SPAG17: variants seen among roughly 807,000 people sequenced by gnomAD.
SPAG17 encodes the protein sperm-associated antigen 17.
In SPAG17, 169 loss-of-function variants were observed where a neutral mutation model predicts 273.6. That is an observed-to-expected ratio of 0.62 (90% confidence interval 0.55 to 0.70). The LOEUF (loss-of-function observed/expected upper bound fraction) is 0.70, where lower values mean the gene tolerates loss of function less well. Among genes scored for constraint, SPAG17 ranks in the 30% least tolerant of loss-of-function variants. The pLI, the probability that SPAG17 is intolerant of heterozygous loss-of-function variation, is 0.00. For synonymous variants in SPAG17, 825 were observed against 873.2 expected (o/e 0.94, Z 0.97); for missense variants, 2,557 against 2,627.8 (o/e 0.97, Z 0.59).
At chr1:118,116,705 G>A (rs1657100931) in intron 3 of SPAG17, among the ~76,000 whole-genome samples, 2 of 152,182 alleles carry the variant, frequency 1.3e-5, no homozygotes, top group Non-Finnish European at 2.9e-5. Flanking sequence ...GATCACATTG[G>A]GGTTCCCGCA....
Position 118,011,976 on chromosome 1 carries a change from T to C in SPAG17, c.4432+252A>G, listed in dbSNP as rs141452655. On this transcript the variant is annotated intron_variant, in intron 30 of 48. Coordinates refer to ENST00000336338, the MANE Select transcript of SPAG17 (RefSeq NM_206996.4). ...TCATATTATTTATTATATATATATA[T>C]ACACAATATCTGTCAATTAAAAGAA... Among the ~76,000 whole-genome samples the C allele has an allele frequency of 1.4e-3, 216 of 151,978 alleles. 3 individuals are homozygous for C. The highest frequency in any genetic ancestry group is 0.013 in the East Asian group (68 of 5,178).
At chr1:118,031,667 G>A (rs1366199908) in intron 25 of SPAG17, 25 bp downstream of exon 25, 1 of 1,608,496 alleles carries the variant, frequency 6.2e-7, no homozygotes, top group Non-Finnish European at 8.5e-7. Flanking sequence ...ACAGAGTTTG[G>A]GAATCTATGG....
chr1:118,111,954 G>A (rs1397866870), intron 4 of SPAG17, among the ~76,000 whole-genome samples: 7 of 152,004 alleles, frequency 4.6e-5, no homozygotes, highest in Admixed American at 3.3e-4. Context: ...AAATATGGAC[G>A]ACTTATTTGA....
At chr1:117,993,294 C>T (rs1473570642) in intron 35 of SPAG17, among the ~76,000 whole-genome samples, 1 of 152,166 alleles carries the variant, frequency 6.6e-6, no homozygotes, top group Admixed American at 6.5e-5. Flanking sequence ...CACTTAGGGG[C>T]TTTGCAGGCC....
chr1:118,109,564 A>G (rs1363887190), intron 4 of SPAG17, among the ~76,000 whole-genome samples: 1 of 148,918 alleles, frequency 6.7e-6, no homozygotes, highest in East Asian at 2.0e-4. Context: ...CAAAATAATA[A>G]TAATAATAAT....
At chr1:118,034,360 T>C (rs1447464836) in intron 24 of SPAG17, among the ~76,000 whole-genome samples, 1 of 152,200 alleles carries the variant, frequency 6.6e-6, no homozygotes, top group Non-Finnish European at 1.5e-5. Context: ...ACTGTGGCTA[T>C]ACTGAACACT....
intron 27 of SPAG17, among the ~76,000 whole-genome samples, chr1:118,024,249 T>C (rs1254694468): frequency 2.0e-5 from 3 of 152,154 alleles, no homozygotes; most frequent in Non-Finnish European, 4.4e-5. Context: ...CTGGAAATTA[T>C]ATCATATGGA....
chr1:118,044,881 T>G (rs1448271881), intron 20 of SPAG17, among the ~76,000 whole-genome samples: 1 of 152,182 alleles, frequency 6.6e-6, no homozygotes, highest in African/African-American at 2.4e-5. Context: ...CCACGTTTCC[T>G]GTACAGCCTG....
chr1:118,122,670 C>A (rs1479617967), intron 3 of SPAG17, among the ~76,000 whole-genome samples: 1 of 152,132 alleles, frequency 6.6e-6, no homozygotes, highest in African/African-American at 2.4e-5. Context: ...CAACTGAGAA[C>A]AGAAAGAACT....
intron 48 of SPAG17, chr1:117,960,609 A>C (rs1448050600): frequency 4.6e-5 from 7 of 152,206 alleles, no homozygotes; most frequent in African/African-American, 1.7e-4. Context: ...TTGTTCATGC[A>C]CAGGTGATTA....
At chr1:118,095,364 A>C (rs1282412493) in intron 7 of SPAG17, among the ~76,000 whole-genome samples, 1 of 152,202 alleles carries the variant, frequency 6.6e-6, no homozygotes, top group Non-Finnish European at 1.5e-5. Flanking sequence ...TAAAGAAGAC[A>C]CACAGTAGGG....
chr1:118,171,502 A>C (rs540356781), intron 1 of SPAG17, among the ~76,000 whole-genome samples: 1 of 152,308 alleles, frequency 6.6e-6, no homozygotes, highest in East Asian at 1.9e-4. Flanking sequence ...CTCAGTAAGA[A>C]GCCTACAAGT....
At chr1:117,955,225 G>T in intron 48 of SPAG17, 1 of 1,057,506 alleles carries the variant, frequency 9.5e-7, no homozygotes, top group East Asian at 2.5e-5. Context: ...TAAGAAGGAG[G>T]GGTTCCTGTT....
At chr1:118,158,332 G>C (rs1029996166) in intron 1 of SPAG17, among the ~76,000 whole-genome samples, 2 of 152,190 alleles carry the variant, frequency 1.3e-5, no homozygotes, top group Non-Finnish European at 2.9e-5. Context: ...CTGAGTTTTA[G>C]ATTTTGTGCA....
chr1:118,124,499 A>G (rs1170553221), intron 3 of SPAG17, among the ~76,000 whole-genome samples: 1 of 152,244 alleles, frequency 6.6e-6, no homozygotes, highest in Non-Finnish European at 1.5e-5. Flanking sequence ...AATAAACATA[A>G]GAATGGCATC....
chr1:118,007,994 G>T, intron 31 of SPAG17, 50 bp downstream of exon 31: 1 of 1,609,782 alleles, frequency 6.2e-7, no homozygotes, highest in Non-Finnish European at 8.5e-7. Context: ...GGTTTTCTCA[G>T]CTGAATAGAC....
intron 26 of SPAG17, 86 bp from the exon 27 acceptor site, chr1:118,025,502 T>C: frequency 9.5e-7 from 1 of 1,058,088 alleles, no homozygotes; most frequent in Non-Finnish European, 1.3e-6. Flanking sequence ...TTCTTTTTCT[T>C]TTCTTTTCTT....
chr1:117,971,075 A>G (rs903193481), intron 45 of SPAG17, among the ~76,000 whole-genome samples: 3 of 152,098 alleles, frequency 2.0e-5, no homozygotes, highest in African/African-American at 4.8e-5. Context: ...CTGATTTCCA[A>G]TCATCAATCC....
At chr1:118,093,919 G>A (rs1410118456) in intron 7 of SPAG17, among the ~76,000 whole-genome samples, 2 of 152,158 alleles carry the variant, frequency 1.3e-5, no homozygotes, top group African/African-American at 2.4e-5. Flanking sequence ...CAAGTTTTAT[G>A]AGCTGACAAG....
Sources: allele counts gnomAD v4.1 joint callset (sites outside exome capture counted in the v4.1 genomes callset), GRCh38; gene constraint gnomAD v4.1.1; transcripts MANE v1.5; gene names NCBI Gene and HGNC (gene_info 2026-07-23, HGNC 2026-07-21).